CD63: variants seen among roughly 807,000 people sequenced by gnomAD.
CD63 encodes CD63 antigen.
Under a neutral mutation model 29.2 loss-of-function variants are expected in CD63, and 16 were observed. That is an observed-to-expected ratio of 0.55 (90% CI 0.37 to 0.83). The LOEUF is 0.83. Ranked by LOEUF, CD63 falls within the 40% of genes least tolerant of loss-of-function variation. The pLI, the probability that CD63 is intolerant of heterozygous loss-of-function variation, is 0.00. For synonymous variants in CD63, 118 were observed against 111.7 expected (o/e 1.06, Z -0.36); for missense variants, 251 against 297.3 (o/e 0.84, Z 1.15).
chr12:55,726,491 C>T (rs1877379658), intron 5 of CD63: 1 of 621,586 alleles, frequency 1.6e-6, no homozygotes. Context: ...ATTACAGGCA[C>T]TCACCACCAC....
intron 2 of CD63, chr12:55,727,700 A>C: frequency 6.7e-6 from 7 of 1,050,632 alleles, no homozygotes; most frequent in East Asian, 8.1e-5. Flanking sequence ...TGCACATCCC[A>C]CGCGCGCATC....
chr12:55,727,256 G>C lies in CD63; in HGVS notation c.150C>G (p.Gly50=). 6.2e-7 allele frequency: 1 copy of C among 1,613,888 alleles called. No individual in the cohort carries two copies. The highest frequency in any genetic ancestry group is 8.5e-7 in the Non-Finnish European group (1 of 1,179,996). The change falls in exon 3 of 8, where the codon GGC becomes GGG. Residue 50 remains glycine, a synonymous_variant. Coordinates refer to ENST00000257857, the MANE Select transcript of CD63 (RefSeq NM_001780.6). ...SQTIIQGATP[G]SLLPVVIIAV... is the part of the protein sequence containing the mutation. ...CGATGATGACCACTGGCAACAGAGA[G>C]CCAGGGGTAGCCCCCTGGATTATGG...
downstream of CD63, chr12:55,724,408 G>A (rs1877100569): frequency 7.4e-6 from 12 of 1,614,200 alleles, no homozygotes; most frequent in East Asian, 2.2e-5. Context: ...TGCCCTGACT[G>A]CTCGACACCC....
chr12:55,726,505 T>G, intron 5 of CD63, 195 bp downstream of exon 5: 1 of 626,028 alleles, frequency 1.6e-6, no homozygotes, highest in Non-Finnish European at 2.8e-6. Context: ...CCACCACACC[T>G]GGCTAATTTT....
At chr12:55,723,868 G>A (rs3138135), downstream of CD63, 1,046 of 1,612,410 alleles carry the variant, frequency 6.5e-4, 8 homozygotes, top group African/African-American at 0.012. Flanking sequence ...CAGCAACTTC[G>A]CTCTGCCCCG....
chr12:55,727,536 C>A (rs964170208), intron 2 of CD63, 197 bp from the exon 3 acceptor site: 1 of 1,275,298 alleles, frequency 7.8e-7, no homozygotes, highest in Non-Finnish European at 1.0e-6. Flanking sequence ...GATCCCCTCC[C>A]GGCTCTTTAA....
In CD63 at chr12:55,728,670, C is replaced by T; in HGVS notation, c.-12+283G>A. On this transcript the variant is annotated intron_variant, in intron 1 of 7. Transcript: ENST00000257857. The surrounding 1 kb of genome is among the most constrained non-coding windows in gnomAD (Gnocchi z 4.8). ...CGGGCGTCAAACACCCTTTCCCCAC[C>T]CAACACCCAGCCTGGAGAAACGGTC... 1 of 1,216,458 alleles carries T rather than the reference C, an allele frequency of 8.2e-7. No individual in the cohort carries two copies. The allele number at this position is 1,216,458 out of a possible 1,614,324, so 75.4% of individuals were successfully genotyped here. A position where few individuals can be genotyped will look rare whatever the true frequency, so the allele number is the denominator to read the frequency against.
intron 2 of CD63, chr12:55,727,619 A>G: frequency 5.8e-6 from 7 of 1,196,714 alleles, no homozygotes; most frequent in Non-Finnish European, 7.3e-6. Context: ...GACCTAGAAT[A>G]ATGCTTTCTA....
chr12:55,726,529 G>C (rs1157318905), intron 5 of CD63, among the ~76,000 whole-genome samples, 171 bp downstream of exon 5: 1 of 151,798 alleles, frequency 6.6e-6, no homozygotes. Flanking sequence ...ATTTTTAGTA[G>C]AGACAGGGTT....
Position 55,728,454 on chromosome 12 carries a change from T to G in CD63, c.-11-102A>C. On this transcript the variant is annotated intron_variant, in intron 1 of 7. Coordinates refer to ENST00000257857, the MANE Select transcript of CD63 (RefSeq NM_001780.6). The surrounding 1 kb of genome is among the most constrained non-coding windows in gnomAD (Gnocchi z 4.8). ...CGAGGGCTTCCCTTCACGGCCCCGATTCCCGGCCCCTCCCACCCGGAAACC... is the reference window on the plus strand; with the variant it reads ...CGAGGGCTTCCCTTCACGGCCCCGAGTCCCGGCCCCTCCCACCCGGAAACC... The G allele has an allele frequency of 4.0e-6, 6 of 1,511,042 alleles. No individual in the cohort carries two copies. Among genetic ancestry groups the G allele is most frequent in the Non-Finnish European group, 2.7e-6 (3 of 1,128,532 alleles). 93.6% of individuals were successfully genotyped at this position (1,511,042 alleles called of 1,614,324 possible). A position where few individuals can be genotyped will look rare whatever the true frequency, so the allele number is the denominator to read the frequency against.
Position 55,727,270 on chromosome 12 carries a change from C to T in CD63, c.136G>A (p.Gly46Arg). 1 of 1,613,918 alleles carries T rather than the reference C, an allele frequency of 6.2e-7. No individual in the cohort carries two copies. The highest frequency in any genetic ancestry group is 2.2e-5 in the East Asian group (1 of 44,882). The change falls in exon 3 of 8, where the codon GGG becomes AGG. Residue 46 changes from glycine (G) to arginine (R), a missense_variant. Gly to Arg is a moderately radical substitution (Grantham distance 125, BLOSUM62 -2). Coordinates refer to ENST00000257857, the MANE Select transcript of CD63 (RefSeq NM_001780.6). The stretch of plus-strand genomic sequence containing the variant: ...GGCAACAGAGAGCCAGGGGTAGCCC[C>T]CTGGATTATGGTCTGACTCAGGACA... ...QLVLSQTIIQ[G>R]ATPGSLLPVV...
chr12:55,725,595 A>G lies in CD63; in HGVS notation c.683T>C (p.Val228Ala). 2 of 1,614,104 alleles carry G rather than the reference A, an allele frequency of 1.2e-6. No individual in the cohort carries two copies. The highest frequency in any genetic ancestry group is 8.5e-7 in the Non-Finnish European group (1 of 1,180,016). The change falls in exon 8 of 8, where the codon GTG becomes GCG. Residue 228 changes from valine (V) to alanine (A), a missense_variant. Coordinates refer to ENST00000257857, the MANE Select transcript of CD63 (RefSeq NM_001780.6). ...VLGIVFACCL[V>A]KSIRSGYEVM ...CTCGTAGCCACTTCTGATACTCTTC[A>G]CGAGGCAGCAGGCAAAGACAATTCC... is the stretch of plus-strand genomic sequence containing the variant.
chr12:55,724,356 C>G (rs755481767), downstream of CD63: 1 of 1,614,212 alleles, frequency 6.2e-7, no homozygotes. Flanking sequence ...TGAACCTGAT[C>G]TGTGACCCGG....
At chr12:55,725,320 C>G, downstream of CD63, 1 of 559,148 alleles carries the variant, frequency 1.8e-6, no homozygotes, top group East Asian at 3.0e-5. Flanking sequence ...CACTGCCTGC[C>G]CAACCAACAC....
intron 6 of CD63, 65 bp downstream of exon 6, chr12:55,726,056 T>C: frequency 1.3e-6 from 2 of 1,568,852 alleles, no homozygotes; most frequent in South Asian, 1.1e-5. Context: ...ACCTCCATCC[T>C]GGGTCTCTTG....
chr12:55,726,742 T>C lies in CD63; in HGVS notation c.384A>G (p.Lys128=), dbSNP rs757758067. 6.2e-7 allele frequency: 1 copy of C among 1,614,110 alleles called. No individual in the cohort carries two copies. ...CCAGGATCGAAGCAGTGTGGTTGTTTTTCGGGTAATTCTCCATCTGCTGCC... is the reference window on the plus strand; with the variant it reads ...CCAGGATCGAAGCAGTGTGGTTGTTCTTCGGGTAATTCTCCATCTGCTGCC... The part of the protein sequence containing the change: ...NFRQQMENYP[K]NNHTASILDR... Residue 128 remains lysine (K), a synonymous_variant, in exon 5 of 8, where the codon AAA becomes AAG. Transcript: ENST00000257857.
At chr12:55,726,315 C>G in intron 5 of CD63, 54 bp from the exon 6 acceptor site, 1 of 631,218 alleles carries the variant, frequency 1.6e-6, no homozygotes, top group Non-Finnish European at 2.8e-6. Context: ...CCTTCACCTT[C>G]AATATGGAGA....
chr12:55,728,917 C>A lies in CD63; in HGVS notation c.-12+36G>T, dbSNP rs1877722702. The stretch of plus-strand genomic sequence containing the variant: ...AGGGACTGCGGGTGGTCTCTCCCAG[C>A]CCGCGCCGAAGTCCGCCGGGTCCCC... On this transcript the variant is annotated intron_variant, in intron 1 of 7. Transcript: ENST00000257857. This position sits in a 1 kb window ranked among gnomAD's most constrained non-coding sequence, Gnocchi z 4.8. The A allele has an allele frequency of 4.1e-6, 4 of 985,812 alleles. No homozygotes were observed. Among genetic ancestry groups the A allele is most frequent in the African/African-American group, 1.7e-5 (1 of 57,328 alleles). 61.1% of individuals were successfully genotyped at this position (985,812 alleles called of 1,614,324 possible).
downstream of CD63, chr12:55,724,632 C>G (rs1302892178): frequency 9.2e-6 from 11 of 1,199,002 alleles, no homozygotes; most frequent in Admixed American, 2.0e-4. Context: ...TGGTGCCTGC[C>G]ACAAAATAAG....
Sources: gnomAD v4.1 joint callset for allele counts (sites outside exome capture counted in the v4.1 genomes callset) on GRCh38, gnomAD v4.1.1 for gene constraint, Gnocchi (gnomAD v3.1) non-coding constraint, MANE v1.5 for transcripts, NCBI Gene and HGNC (gene_info 2026-07-23, HGNC 2026-07-21) for gene names.